Variants in CFAP74 observed in about 807,000 individuals in gnomAD.
CFAP74 encodes cilia and flagella associated protein 74.
CFAP74 carries 124 observed loss-of-function variants against 188.9 expected under a neutral mutation model. The observed-to-expected ratio is 0.66, with a 90% CI of 0.57 to 0.76. The LOEUF (loss-of-function observed/expected upper bound fraction) is 0.76. CFAP74 is among the 30% of genes least tolerant of loss of function. The pLI, the probability that CFAP74 is intolerant of heterozygous loss-of-function variation, is 0.00. For synonymous variants in CFAP74, 956 were observed against 916.7 expected (o/e 1.04, Z -0.77); for missense variants, 2,198 against 2,165.2 (o/e 1.02, Z -0.30).
intron 6 of CFAP74, among the ~76,000 whole-genome samples, chr1:1,976,543 T>G (rs1656456173): frequency 6.6e-6 from 1 of 152,052 alleles, no homozygotes; most frequent in Admixed American, 6.5e-5. Flanking sequence ...CCTCTTTTCT[T>G]CTTATTTTTA....
intron 10 of CFAP74, among the ~76,000 whole-genome samples, chr1:1,969,391 C>A (rs1655755903): frequency 6.9e-6 from 1 of 145,780 alleles, no homozygotes; most frequent in South Asian, 2.2e-4. Flanking sequence ...CCAAGCCCAG[C>A]CTTGCCCAGC....
At chr1:1,924,062 G>A in intron 34 of CFAP74, 133 bp from the exon 35 acceptor site, 1 of 782,224 alleles carries the variant, frequency 1.3e-6, no homozygotes, top group Non-Finnish European at 1.8e-6. Flanking sequence ...TCCCCCCAAT[G>A]GCCTTGCGCC....
chr1:1,947,876 C>T (rs1653878607), intron 18 of CFAP74, among the ~76,000 whole-genome samples: 1 of 149,642 alleles, frequency 6.7e-6, no homozygotes. Context: ...GACCCCTGTT[C>T]TTTTTTTTTT....
rs375148031 is a variant in CFAP74 at position 1,960,491 on chromosome 1, C to G, written c.1695-461G>C. Among the ~76,000 whole-genome samples the G allele has an allele frequency of 2.6e-3, 394 of 152,308 alleles. 2 individuals are homozygous for G. Among genetic ancestry groups the G allele is most frequent in the African/African-American group, 9.3e-3 (385 of 41,572 alleles). On this transcript the variant is annotated intron_variant, in intron 14 of 38. Transcript: ENST00000682832. Reference sequence around the variant, plus strand: ...TGGGACCCTCGGGACCCTCTCAGCCCCTTTCAGGGAAAGAACCACAAAAAT... The same window carrying G: ...TGGGACCCTCGGGACCCTCTCAGCCGCTTTCAGGGAAAGAACCACAAAAAT...
In CFAP74 at chr1:1,973,193, G is replaced by A; in HGVS notation, c.675-146C>T. 1.6e-6 allele frequency: 1 copy of A among 620,126 alleles called. No individual in the cohort carries two copies. The highest frequency in any genetic ancestry group is 2.8e-6 in the Non-Finnish European group (1 of 354,502). The allele number at this position is 620,126 out of a possible 1,614,324, so 38.4% of individuals were successfully genotyped here. ...CCCGCACAGCCTCCCTTGGGGAGGA[G>A]CGAGGGTCCCTGGAGAGCTGATGCC... On this transcript the variant is annotated intron_variant, in intron 7 of 38. Coordinates refer to ENST00000682832, the MANE Select transcript of CFAP74 (RefSeq NM_001304360.2). The surrounding 1 kb of genome is among the most constrained non-coding windows in gnomAD (Gnocchi z 6.2).
At chr1:1,985,532 A>G (rs1419747208) in intron 5 of CFAP74, 42 bp from the exon 6 acceptor site, 2 of 1,511,210 alleles carry the variant, frequency 1.3e-6, no homozygotes, top group African/African-American at 2.7e-5. Context: ...GTCAGGCCTC[A>G]GTCATCCAGG....
chr1:1,939,003 G>A lies in CFAP74; in HGVS notation c.2878-15C>T, dbSNP rs1160227009. On this transcript the variant is annotated splice_polypyrimidine_tract_variant and intron_variant, in intron 24 of 38. Transcript: ENST00000682832. ...ACGTCCACAAACTGGAAATAGAAGA[G>A]TGCTCTGAGGGCATGTCACGGGGAG... 2 of 1,534,870 alleles carry A rather than the reference G, an allele frequency of 1.3e-6. No individual in the cohort carries two copies. The highest frequency in any genetic ancestry group is 2.0e-5 in the Admixed American group (1 of 50,940).
intron 1 of CFAP74, among the ~76,000 whole-genome samples, chr1:1,997,264 A>C (rs1360517560): frequency 6.6e-6 from 1 of 152,068 alleles, no homozygotes; most frequent in Non-Finnish European, 1.5e-5. Flanking sequence ...CTCTACCAAA[A>C]ATACAAAATT....
At chr1:1,985,014 G>A (rs1356298062) in intron 6 of CFAP74, 6 of 191,528 alleles carry the variant, frequency 3.1e-5, no homozygotes, top group Non-Finnish European at 6.6e-5. Flanking sequence ...TGCCAAACTC[G>A]CCGAAGGCAA....
chr1:1,939,136 G>A lies in CFAP74; in HGVS notation c.2878-148C>T, dbSNP rs2102044406. 4.7e-6 allele frequency: 4 copies of A among 850,736 alleles called. No homozygotes were observed. In the East Asian group the frequency reaches 1.1e-4, roughly 23 times the overall value. 52.7% of individuals were successfully genotyped at this position (850,736 alleles called of 1,614,324 possible). A position where few individuals can be genotyped will look rare whatever the true frequency, so the allele number is the denominator to read the frequency against. On this transcript the variant is annotated intron_variant, in intron 24 of 38. Coordinates refer to ENST00000682832, the MANE Select transcript of CFAP74 (RefSeq NM_001304360.2). ...AGAGTGTCGCTGTCAACGAGTGTGT[G>A]TCAGCAAGTGTGTGAGTGTGAGCAC...
In CFAP74 at chr1:1,993,575, C is replaced by T. The variant is rs374769335; in HGVS notation, c.-19-2600G>A. On this transcript the variant is annotated intron_variant, in intron 1 of 38. Coordinates refer to ENST00000682832, the MANE Select transcript of CFAP74 (RefSeq NM_001304360.2). Reference sequence around the variant, plus strand: ...TGTTAGAACTAGAGGCGTGAGCCACCGTGCCCGGCCGGTGGCTGTTTTCTA... The same window carrying T: ...TGTTAGAACTAGAGGCGTGAGCCACTGTGCCCGGCCGGTGGCTGTTTTCTA... 3.7e-4 allele frequency among the ~76,000 whole-genome samples: 56 copies of T among 151,842 alleles called. No homozygotes were observed. The East Asian group carries it at 6.1e-3, about 16-fold the overall frequency.
chr1:1,987,087 C>T, intron 4 of CFAP74, 52 bp from the exon 5 acceptor site: 2 of 1,502,126 alleles, frequency 1.3e-6, no homozygotes, highest in Non-Finnish European at 1.8e-6. Context: ...CTCCAGCCTC[C>T]AAAGTGACAG....
rs980075010 is a variant in CFAP74, at chr1:1,926,677, G to A, written c.3747C>T (p.Ile1249=). ...VVVTSHKGKT[I]FNFGDVAVGH... ...CCACAGCGACGTCGCCGAAGTTAAA[G>A]ATGGTCTTGCCTTTATGGGACGTCA... Residue 1249 remains isoleucine, a synonymous_variant, in exon 30 of 39, where the codon ATC becomes ATT. Transcript: ENST00000682832. 7.1e-6 allele frequency: 11 copies of A among 1,550,080 alleles called. No individual in the cohort carries two copies. The Admixed American group carries it at 2.2e-4, about 30-fold the overall frequency.
At chr1:1,955,196 G>C (rs1220081820) in intron 18 of CFAP74, 3 of 1,288,766 alleles carry the variant, frequency 2.3e-6, no homozygotes, top group African/African-American at 1.5e-5. Flanking sequence ...ATCTCGATGC[G>C]TATGTGGGAA....
At chr1:1,961,042 G>A (rs1655055635) in intron 14 of CFAP74, among the ~76,000 whole-genome samples, 1 of 152,180 alleles carries the variant, frequency 6.6e-6, no homozygotes, top group Admixed American at 6.5e-5. Context: ...GAGAGACAGG[G>A]CAGCTGAGTA....
intron 26 of CFAP74, among the ~76,000 whole-genome samples, chr1:1,929,542 T>G (rs146849662): frequency 1.5e-3 from 225 of 151,062 alleles, no homozygotes; most frequent in African/African-American, 5.3e-3. Flanking sequence ...AATCACTGCA[T>G]TCATTGAAAT....
intron 6 of CFAP74, among the ~76,000 whole-genome samples, chr1:1,980,072 T>C (rs1656734641): frequency 6.9e-6 from 1 of 144,460 alleles, no homozygotes; most frequent in African/African-American, 2.5e-5. Flanking sequence ...TCTTACCGCG[T>C]GGGGAGGACG....
chr1:1,962,462 G>A (rs974350806), intron 14 of CFAP74, among the ~76,000 whole-genome samples: 4 of 129,074 alleles, frequency 3.1e-5, no homozygotes, highest in African/African-American at 9.0e-5. Context: ...GGCAACAAGA[G>A]TGAAACTCCA....
rs1040293895 is a variant in CFAP74, at chr1:1,964,500, G to A, written c.1575+388C>T. Among the ~76,000 whole-genome samples the A allele has an allele frequency of 2.0e-5, 3 of 152,218 alleles. No homozygotes were observed. In the South Asian group the frequency reaches 6.2e-4, roughly 32 times the overall value. Reference sequence around the variant, plus strand: ...CCCGGGTTTTCCAGCGTTAAAAAGCGAAAGGCAGGCCAGGCGCAGTGGCTC... The same window carrying A: ...CCCGGGTTTTCCAGCGTTAAAAAGCAAAAGGCAGGCCAGGCGCAGTGGCTC... On this transcript the variant is annotated intron_variant, in intron 13 of 38. Coordinates refer to ENST00000682832, the MANE Select transcript of CFAP74 (RefSeq NM_001304360.2).
Sources: gnomAD v4.1 joint callset for allele counts (sites outside exome capture counted in the v4.1 genomes callset) on GRCh38, gnomAD v4.1.1 for gene constraint, Gnocchi (gnomAD v3.1) non-coding constraint, MANE v1.5 for transcripts, NCBI Gene and HGNC (gene_info 2026-07-23, HGNC 2026-07-21) for gene names.